Variants in PCDHGA4 observed in about 807,000 individuals in gnomAD.
PCDHGA4 encodes protocadherin gamma subfamily A, 4, also known as protocadherin gamma-A4.
Under a neutral mutation model 54.6 loss-of-function variants are expected in PCDHGA4, and 38 were observed. The observed-to-expected ratio is 0.70, with a 90% CI of 0.54 to 0.91. The LOEUF is 0.91. Ranked by LOEUF, PCDHGA4 falls within the 40% of genes least tolerant of loss-of-function variation. The pLI is 0.00. For synonymous variants in PCDHGA4, 511 were observed against 512.9 expected (o/e 1.00, Z 0.05); for missense variants, 1,298 against 1,220.9 (o/e 1.06, Z -0.94).
At chr5:141,452,134 T>C (rs539377216) in intron 1 of PCDHGA4, among the ~76,000 whole-genome samples, 2 of 152,344 alleles carry the variant, frequency 1.3e-5, no homozygotes, top group South Asian at 2.1e-4. Flanking sequence ...ATATGGCTCA[T>C]GTGTTTTTTC....
chr5:141,457,694 C>T (rs891323419), intron 1 of PCDHGA4, among the ~76,000 whole-genome samples: 4 of 152,214 alleles, frequency 2.6e-5, no homozygotes, highest in Non-Finnish European at 5.9e-5. Context: ...TTTGGATTGG[C>T]TTTGATGAAA....
intron 1 of PCDHGA4, chr5:141,404,421 C>T (rs199749783): frequency 1.2e-6 from 2 of 1,613,574 alleles, no homozygotes; most frequent in Non-Finnish European, 1.7e-6. Flanking sequence ...GTTATTTACT[C>T]CTTGGCAGAG....
intron 1 of PCDHGA4, chr5:141,364,177 C>T (rs1432921471): frequency 3.5e-6 from 3 of 848,492 alleles, no homozygotes; most frequent in East Asian, 3.0e-5. Context: ...GACTCTGCTC[C>T]CTCCATACTA....
At chr5:141,373,389 A>G (rs1769537538) in intron 1 of PCDHGA4, among the ~76,000 whole-genome samples, 1 of 152,210 alleles carries the variant, frequency 6.6e-6, no homozygotes, top group South Asian at 2.1e-4. Context: ...GTGTTTGTGT[A>G]GCATATGCCT....
chr5:141,407,706 G>C (rs1350991580), intron 1 of PCDHGA4, among the ~76,000 whole-genome samples: 3 of 152,006 alleles, frequency 2.0e-5, no homozygotes, highest in Admixed American at 1.3e-4. Context: ...GTTGAAGGTG[G>C]GGTGATGGCT....
At position 141,511,148 on chromosome 5, in the gene PCDHGA4, A is replaced by C; in HGVS notation, c.2864A>C (p.Lys955Thr). Residue 955 changes from lysine to threonine, a missense_variant, in exon 4 of 4, where the codon AAG (lysine) becomes ACG (threonine). Coordinates refer to ENST00000571252, the MANE Select transcript of PCDHGA4 (RefSeq NM_018917.4). ...APAGGNGNKKKSGKKEKK is the reference protein window; with the variant it reads ...APAGGNGNKKTSGKKEKK ...GCAGGTGGCAATGGCAACAAGAAGA[A>C]GTCGGGCAAGAAGGAGAAGAAGTAA... is the stretch of plus-strand genomic sequence containing the variant. The C allele has an allele frequency of 6.2e-7, 1 of 1,614,202 alleles. No individual in the cohort carries two copies. Among genetic ancestry groups the C allele is most frequent in the East Asian group, 2.2e-5 (1 of 44,882 alleles).
In PCDHGA4 at chr5:141,485,713, G is replaced by A. The variant is rs769162337; in HGVS notation, c.2515-9094G>A. The stretch of plus-strand genomic sequence containing the variant: ...TGAGCTCCAATGAACACTTTGCACT[G>A]GATGTGAAGAAGCGCAGCGACGGCA... On this transcript the variant is annotated intron_variant, in intron 1 of 3. Transcript: ENST00000571252. The surrounding 1 kb of genome is among the most constrained non-coding windows in gnomAD (Gnocchi z 5.7). 2 of 1,614,084 alleles carry A rather than the reference G, an allele frequency of 1.2e-6. No homozygotes were observed. The highest frequency in any genetic ancestry group is 1.3e-5 in the African/African-American group (1 of 74,942).
chr5:141,486,211 T>C lies in PCDHGA4; in HGVS notation c.2515-8596T>C, dbSNP rs779905477. On this transcript the variant is annotated intron_variant, in intron 1 of 3. Coordinates refer to ENST00000571252, the MANE Select transcript of PCDHGA4 (RefSeq NM_018917.4). The surrounding 1 kb of genome is among the most constrained non-coding windows in gnomAD (Gnocchi z 5.0). ...TGGATCTGCTGGACGTAAATGACAA[T>C]GCCCCTTACATCACAGTGACCTCAG... 6.2e-7 allele frequency: 1 copy of C among 1,614,142 alleles called. No homozygotes were observed. Among genetic ancestry groups the C allele is most frequent in the Non-Finnish European group, 8.5e-7 (1 of 1,180,024 alleles).
intron 1 of PCDHGA4, chr5:141,424,475 T>C (rs1399874639): frequency 2.6e-5 from 4 of 152,234 alleles, no homozygotes; most frequent in Admixed American, 2.0e-4. Context: ...ATTCTTTTAC[T>C]TTGGTGTCTG....
Position 141,476,511 on chromosome 5 carries a change from A to G in PCDHGA4, c.2515-18296A>G, listed in dbSNP as rs1562054650. Reference sequence around the variant, plus strand: ...GTGATCCAGGACATCAACGACAACAATCCTGCTTTCCCTACCCAGGAAATG... The same window carrying G: ...GTGATCCAGGACATCAACGACAACAGTCCTGCTTTCCCTACCCAGGAAATG... On this transcript the variant is annotated intron_variant, in intron 1 of 3. Transcript: ENST00000571252. The surrounding 1 kb of genome is among the most constrained non-coding windows in gnomAD (Gnocchi z 7.6). The G allele has an allele frequency of 5.0e-6, 8 of 1,613,902 alleles. No individual in the cohort carries two copies. The highest frequency in any genetic ancestry group is 6.8e-6 in the Non-Finnish European group (8 of 1,179,960).
At position 141,423,418 on chromosome 5, in the gene PCDHGA4, G is replaced by T. The variant is rs1236092057; in HGVS notation, c.2514+65797G>T. On this transcript the variant is annotated intron_variant, in intron 1 of 3. Transcript: ENST00000571252. ...GTCACGCCTGCTGCAGGCTTCTGAAGGCGGGTTGGCAGGTATGCCCACGTC... is the reference window on the plus strand; with the variant it reads ...GTCACGCCTGCTGCAGGCTTCTGAATGCGGGTTGGCAGGTATGCCCACGTC... 1.2e-6 allele frequency: 2 copies of T among 1,614,022 alleles called. No individual in the cohort carries two copies. Among genetic ancestry groups the T allele is most frequent in the South Asian group, 1.1e-5 (1 of 91,088 alleles).
intron 2 of PCDHGA4, 36 bp from the exon 3 acceptor site, chr5:141,505,357 T>A (rs1026098450): frequency 6.2e-7 from 1 of 1,613,762 alleles, no homozygotes; most frequent in African/African-American, 1.3e-5. Context: ...TGTGCCGGCC[T>A]GGGAGTCTGT....
chr5:141,383,020 A>T (rs1778718840), intron 1 of PCDHGA4: 1 of 1,613,730 alleles, frequency 6.2e-7, no homozygotes, highest in African/African-American at 1.3e-5. Context: ...GGAGACGGAC[A>T]AAGGGTCCTT....
chr5:141,372,253 G>A (rs1768545048), intron 1 of PCDHGA4: 2 of 1,613,040 alleles, frequency 1.2e-6, no homozygotes, highest in African/African-American at 2.7e-5. Flanking sequence ...TTCAGCCTGG[G>A]CCTGCGCACG....
chr5:141,509,785 C>T (rs1445220885), intron 3 of PCDHGA4, among the ~76,000 whole-genome samples: 1 of 152,166 alleles, frequency 6.6e-6, no homozygotes, highest in African/African-American at 2.4e-5. Context: ...CCGAGATCAT[C>T]ATCTCCTCAG....
chr5:141,419,043 A>G (rs1561777660), intron 1 of PCDHGA4: 5 of 1,613,958 alleles, frequency 3.1e-6, no homozygotes. Flanking sequence ...TTTAAGATTC[A>G]TTCTTCTTCT....
At chr5:141,385,101 C>T (rs1373310406) in intron 1 of PCDHGA4, 1 of 1,614,078 alleles carries the variant, frequency 6.2e-7, no homozygotes, top group Admixed American at 1.7e-5. Flanking sequence ...GCTTGGCGAA[C>T]GTGCCCACCT....
At chr5:141,418,115 G>C in intron 1 of PCDHGA4, 1 of 1,614,098 alleles carries the variant, frequency 6.2e-7, no homozygotes, top group South Asian at 1.1e-5. Context: ...GGACTTACTT[G>C]TGAAGGACCG....
chr5:141,427,956 C>T, intron 1 of PCDHGA4: 1 of 1,587,304 alleles, frequency 6.3e-7, no homozygotes, highest in African/African-American at 1.3e-5. Context: ...TGACAATGTG[C>T]CGCGGGTGCT....
Sources: allele counts gnomAD v4.1 joint callset (sites outside exome capture counted in the v4.1 genomes callset), GRCh38; gene constraint gnomAD v4.1.1; non-coding constraint Gnocchi (gnomAD v3.1); transcripts MANE v1.5; gene names NCBI Gene and HGNC (gene_info 2026-07-23, HGNC 2026-07-21).